Variants in FANCD2 observed in about 807,000 individuals in gnomAD.
The protein encoded by FANCD2 is Fanconi anemia group D2 protein.
In FANCD2, 131 loss-of-function variants were observed where a neutral mutation model predicts 192.3. That is an observed-to-expected ratio of 0.68 (90% confidence interval 0.59 to 0.79). FANCD2 has a LOEUF of 0.79. Ranked by LOEUF, FANCD2 falls within the 30% of genes least tolerant of loss-of-function variation. The probability of loss-of-function intolerance (pLI) is 0.00; values close to 1 mark genes in which losing one functional copy is unlikely to be tolerated. For missense variants in FANCD2, 1,508 were observed against 1,701.6 expected (o/e 0.89, Z 2.00); for synonymous variants, 524 against 612.5 (o/e 0.86, Z 2.13).
In FANCD2 at chr3:10,047,914, A is replaced by G; in HGVS notation, c.1279-3A>G. On this transcript the variant is annotated splice_polypyrimidine_tract_variant and splice_region_variant and intron_variant, in intron 15 of 43. Transcript: ENST00000675286. ...TTTCTCTCTCTACTCTTCCCCACTC[A>G]AGGTTCTTAAGGATATGTGTTCATC... 2.5e-6 allele frequency: 4 copies of G among 1,612,490 alleles called. No individual in the cohort carries two copies. Among genetic ancestry groups the G allele is most frequent in the Non-Finnish European group, 3.4e-6 (4 of 1,180,038 alleles).
rs201184977 is a variant in FANCD2 at position 10,081,448 on chromosome 3, C to G, written c.3208C>G (p.His1070Asp). ...SCYQRLLQIF[H>D]GLFAWSGFSQ... ...CTATCAGAGGCTGCTGCAGATTTTT[C>G]ATGGGCTTTTTGCTTGGTAAGTATG... The change falls in exon 32 of 44, where the codon CAT (histidine) becomes GAT (aspartate). Residue 1070 changes from histidine to aspartate, a missense_variant. By Grantham distance (81) the His-to-Asp change is moderately conservative. Around this residue, in one of 5 missense-constraint regions of FANCD2, gnomAD observed 796 missense variants for 879.4 expected, o/e 0.91. Coordinates refer to ENST00000675286, the MANE Select transcript of FANCD2 (RefSeq NM_001018115.3). The G allele has an allele frequency of 1.2e-6, 2 of 1,612,978 alleles. No individual in the cohort carries two copies. The highest frequency in any genetic ancestry group is 1.7e-6 in the Non-Finnish European group (2 of 1,178,944).
At chr3:10,082,365 A>G (rs139435401) in intron 32 of FANCD2, among the ~76,000 whole-genome samples, 7 of 152,294 alleles carry the variant, frequency 4.6e-5, no homozygotes, top group African/African-American at 1.7e-4. Context: ...GGACTGGGCT[A>G]GGTTCACACT....
intron 29 of FANCD2, among the ~76,000 whole-genome samples, chr3:10,076,013 G>T (rs1693520780): frequency 6.6e-6 from 1 of 151,056 alleles, no homozygotes; most frequent in African/African-American, 2.4e-5. Flanking sequence ...TTACAGGTGT[G>T]AGCCACTGCG....
chr3:10,087,765 C>T (rs1694309004), intron 34 of FANCD2, among the ~76,000 whole-genome samples: 1 of 152,136 alleles, frequency 6.6e-6, no homozygotes, highest in South Asian at 2.1e-4. Flanking sequence ...TCTCCTGCCT[C>T]AGCCTTTCAA....
Position 10,101,161 on chromosome 3 carries a change from CTTAT to C in FANCD2, c.4282-17_4282-14del, listed in dbSNP as rs767726902. The C allele has an allele frequency of 2.1e-5, 33 of 1,574,882 alleles. No individual in the cohort carries two copies. In the South Asian group the frequency reaches 2.7e-4, roughly 13 times the overall value. ...TCACCCAGAGCAGTAACCTAAAATG[CTTAT>C]TTATTTATTCTTTGCCCCTTAGGAT... is the stretch of plus-strand genomic sequence containing the variant. On this transcript the variant is annotated intron_variant, in intron 43 of 43. Transcript: ENST00000675286.
At chr3:10,041,775 C>G (rs2086869521) in intron 10 of FANCD2, 65 bp downstream of exon 10, 6 of 1,038,872 alleles carry the variant, frequency 5.8e-6, no homozygotes, top group Non-Finnish European at 9.1e-6. Context: ...AAGTGTCAGT[C>G]AGTCATTGCC....
At chr3:10,095,566 G>A (rs1575866587) in intron 41 of FANCD2, among the ~76,000 whole-genome samples, 1 of 152,284 alleles carries the variant, frequency 6.6e-6, no homozygotes, top group South Asian at 2.1e-4. Flanking sequence ...AAGTCCTCTA[G>A]GTAACAGGAC....
intron 30 of FANCD2, 60 bp from the exon 31 acceptor site, chr3:10,081,040 C>A: frequency 6.2e-7 from 1 of 1,606,538 alleles, no homozygotes; most frequent in Non-Finnish European, 8.5e-7. Flanking sequence ...CATTGCGAAC[C>A]CTTAGTTTCT....
chr3:10,094,482 G>T, intron 40 of FANCD2, 119 bp downstream of exon 40: 1 of 856,746 alleles, frequency 1.2e-6, no homozygotes, highest in Non-Finnish European at 2.0e-6. Context: ...GTCCACTTCA[G>T]CTGTAGCCAG....
chr3:10,081,510 T>C, intron 32 of FANCD2, 46 bp downstream of exon 32: 2 of 1,289,234 alleles, frequency 1.6e-6, no homozygotes, highest in Admixed American at 3.4e-5. Context: ...ATACTTGCTT[T>C]TATTTGACAG....
chr3:10,032,089 C>A (rs922659959), intron 2 of FANCD2, among the ~76,000 whole-genome samples: 1 of 152,118 alleles, frequency 6.6e-6, no homozygotes, highest in Non-Finnish European at 1.5e-5. Flanking sequence ...AGGTAATCAG[C>A]CTGCCTCGGC....
chr3:10,054,567 T>A (rs2125017400), intron 18 of FANCD2, among the ~76,000 whole-genome samples: 1 of 127,030 alleles, frequency 7.9e-6, no homozygotes, highest in African/African-American at 3.0e-5. Flanking sequence ...CCCTGCAAAC[T>A]CCGCCTCCCA....
intron 41 of FANCD2, among the ~76,000 whole-genome samples, chr3:10,096,027 T>C (rs1346970591): frequency 6.6e-6 from 1 of 152,222 alleles, no homozygotes; most frequent in East Asian, 1.9e-4. Flanking sequence ...GGCTACTCTA[T>C]TGTTTAATAT....
chr3:10,088,307 G>A (rs989569741), intron 34 of FANCD2, 142 bp from the exon 35 acceptor site: 1 of 701,638 alleles, frequency 1.4e-6, no homozygotes, highest in South Asian at 1.5e-5. Context: ...ACAGCTTTTT[G>A]TAAGTTGCCT....
rs150444770 is a variant in FANCD2 at position 10,036,303 on chromosome 3, C to T, written c.455C>T (p.Thr152Ile). Residue 152 changes from threonine to isoleucine, a missense_variant, in exon 7 of 44, where the codon ACC becomes ATC. Physicochemically the swap from Thr to Ile is moderately conservative, Grantham distance 89. Coordinates refer to ENST00000675286, the MANE Select transcript of FANCD2 (RefSeq NM_001018115.3). ...IDILQPAIIK[T>I]LFEKLPEYFF... ...CTTTTTTAGCCTGCCATTATCAAAA[C>T]CTTATTTGAGAAGTTGCCAGAATAT... 3 of 1,612,598 alleles carry T rather than the reference C, an allele frequency of 1.9e-6. No individual in the cohort carries two copies. The highest frequency in any genetic ancestry group is 1.3e-5 in the African/African-American group (1 of 74,730).
Position 10,092,162 on chromosome 3 carries a change from A to C in FANCD2, c.3778-19A>C, listed in dbSNP as rs754592456. On this transcript the variant is annotated intron_variant, in intron 37 of 43. Coordinates refer to ENST00000675286, the MANE Select transcript of FANCD2 (RefSeq NM_001018115.3). ...ATTTGGCTGTGACTCAGAGGTGCCC[A>C]TATATTTGGCTGCCCCAGATTCATG... 3.8e-6 allele frequency: 6 copies of C among 1,597,102 alleles called. No individual in the cohort carries two copies. In the African/African-American group the frequency reaches 6.7e-5, roughly 18 times the overall value.
rs369022159 is a variant in FANCD2, at chr3:10,088,463, C to T, written c.3481C>T (p.Gln1161Ter). 55 of 1,608,832 alleles carry T rather than the reference C, an allele frequency of 3.4e-5. No homozygotes were observed. The highest frequency in any genetic ancestry group is 4.4e-5 in the Non-Finnish European group (52 of 1,175,164). The change falls in exon 35 of 44, where the codon CAA becomes TAA. Residue 1161 changes from glutamine to a stop codon, truncating the protein, a stop_gained. Transcript: ENST00000675286. LOFTEE classifies it high-confidence loss of function. ...TTTTCTAACAGCTTCCCTTGCCAGA[C>T]AATTCCTCTGTCGGGTGTGGCCAAG... ...NKEKIASLAR[Q>*]FLCRVWPSGD...
chr3:10,085,539 C>A (rs1288136865), intron 32 of FANCD2, among the ~76,000 whole-genome samples: 1 of 151,806 alleles, frequency 6.6e-6, no homozygotes, highest in African/African-American at 2.4e-5. Context: ...CTACAGGTGC[C>A]CGCCACCACA....
At chr3:10,076,434 G>A (rs1693546098) in intron 29 of FANCD2, among the ~76,000 whole-genome samples, 1 of 152,110 alleles carries the variant, frequency 6.6e-6, no homozygotes, top group Non-Finnish European at 1.5e-5. Flanking sequence ...ATCCTGTCTT[G>A]AATTATTATT....
Sources: allele counts gnomAD v4.1 joint callset (sites outside exome capture counted in the v4.1 genomes callset), GRCh38; gene constraint gnomAD v4.1.1; regional missense constraint gnomAD v4.1.1; transcripts MANE v1.5; gene names NCBI Gene and HGNC (gene_info 2026-07-23, HGNC 2026-07-21).